The following PDYN variants were observed in gnomAD, a reference collection of about 807,000 sequenced individuals.
The protein encoded by PDYN is prodynorphin, also known as proenkephalin-B.
Under a neutral mutation model 11.4 loss-of-function variants are expected in PDYN, and 5 were observed. That is an observed-to-expected ratio of 0.44 (90% CI 0.23 to 0.92). The LOEUF is 0.92. Ranked by LOEUF, PDYN falls within the 40% of genes least tolerant of loss-of-function variation. PDYN has a pLI of 0.24. For missense variants in PDYN, 337 were observed against 317.3 expected (o/e 1.06, Z -0.47); for synonymous variants, 132 against 129.5 (o/e 1.02, Z -0.13).
At chr20:1,983,193 C>A in intron 2 of PDYN, 90 bp from the exon 3 acceptor site, 1 of 1,105,990 alleles carries the variant, frequency 9.0e-7, no homozygotes, top group Non-Finnish European at 1.3e-6. Flanking sequence ...CTAACTCCTG[C>A]CCACAGCACT....
At chr20:1,990,439 T>C (rs1371990906) in intron 2 of PDYN, among the ~76,000 whole-genome samples, 1 of 152,180 alleles carries the variant, frequency 6.6e-6, no homozygotes. Context: ...CCCCTGAACC[T>C]GGAAAAGCGG....
chr20:1,988,053 A>G (rs1451373679), intron 2 of PDYN, among the ~76,000 whole-genome samples: 1 of 152,140 alleles, frequency 6.6e-6, no homozygotes, highest in Non-Finnish European at 1.5e-5. Flanking sequence ...GTCTGGGCTG[A>G]ATGCCCTTCA....
At chr20:1,987,044 G>A (rs1316321083) in intron 2 of PDYN, among the ~76,000 whole-genome samples, 1 of 152,190 alleles carries the variant, frequency 6.6e-6, no homozygotes, top group Non-Finnish European at 1.5e-5. Flanking sequence ...TCCCTTATGG[G>A]CAGGTAGGGG....
chr20:1,988,016 C>T (rs918447492), intron 2 of PDYN, among the ~76,000 whole-genome samples: 4 of 152,156 alleles, frequency 2.6e-5, no homozygotes, highest in East Asian at 1.9e-4. Flanking sequence ...GACTCACTGC[C>T]GTGGACGGAG....
intron 2 of PDYN, among the ~76,000 whole-genome samples, chr20:1,990,085 A>C (rs2122389339): frequency 6.6e-6 from 1 of 152,324 alleles, no homozygotes; most frequent in South Asian, 2.1e-4. Context: ...AGAAGGGACA[A>C]GCTCTTTGCT....
At chr20:1,982,875 C>T in intron 3 of PDYN, 81 bp downstream of exon 3, 1 of 1,482,322 alleles carries the variant, frequency 6.7e-7, no homozygotes, top group Non-Finnish European at 9.4e-7. Context: ...CACAGCTGCC[C>T]AGGCCTGCAA....
At chr20:1,985,606 A>G (rs1385530462) in intron 2 of PDYN, among the ~76,000 whole-genome samples, 1 of 152,108 alleles carries the variant, frequency 6.6e-6, no homozygotes, top group Non-Finnish European at 1.5e-5. Flanking sequence ...AGACAAGAAA[A>G]CTGGTGCTCA....
rs1987565185 is a variant in PDYN at position 1,979,302 on chromosome 20, G to T, written c.*1021C>A. On this transcript the variant is annotated 3_prime_UTR_variant, in exon 4 of 4. Coordinates refer to ENST00000217305, the MANE Select transcript of PDYN (RefSeq NM_024411.5). ...ACCCAATGCCCAGTGCGTATGTTGG[G>T]CCAGATGGCTTGGACTCTTGGCAGC... The T allele has an allele frequency of 2.0e-5, 3 of 152,730 alleles. No homozygotes were observed. In the South Asian group the frequency reaches 6.2e-4, roughly 32 times the overall value. The allele number at this position is 152,730 out of a possible 1,614,324, so 9.5% of individuals were successfully genotyped here.
intron 2 of PDYN, among the ~76,000 whole-genome samples, chr20:1,991,117 A>G (rs1988425704): frequency 6.6e-6 from 1 of 152,184 alleles, no homozygotes; most frequent in Admixed American, 6.5e-5. Context: ...ATGCTGACAT[A>G]CCGTGTGAAT....
chr20:1,991,669 G>A (rs1381701438), intron 2 of PDYN, among the ~76,000 whole-genome samples: 4 of 152,222 alleles, frequency 2.6e-5, no homozygotes, highest in Non-Finnish European at 4.4e-5. Context: ...TACAGTGAGA[G>A]AAATCAGCTG....
At chr20:1,987,185 G>A (rs1988226147) in intron 2 of PDYN, among the ~76,000 whole-genome samples, 1 of 152,134 alleles carries the variant, frequency 6.6e-6, no homozygotes. Context: ...GGCTCTCATA[G>A]GCCAAGGGAG....
At chr20:1,990,986 G>A (rs955493369) in intron 2 of PDYN, among the ~76,000 whole-genome samples, 4 of 150,162 alleles carry the variant, frequency 2.7e-5, no homozygotes, top group Middle Eastern at 3.2e-3. Flanking sequence ...GATGGGGAGA[G>A]GACAAATGGG....
At chr20:1,988,421 G>A (rs1054608092) in intron 2 of PDYN, among the ~76,000 whole-genome samples, 2 of 152,206 alleles carry the variant, frequency 1.3e-5, no homozygotes, top group African/African-American at 4.8e-5. Context: ...GGCCCCAGGG[G>A]AAGCATTTCG....
At chr20:1,987,752 T>G (rs1011162845) in intron 2 of PDYN, among the ~76,000 whole-genome samples, 1 of 152,210 alleles carries the variant, frequency 6.6e-6, no homozygotes, top group Non-Finnish European at 1.5e-5. Flanking sequence ...TTACTGTGCC[T>G]CAGTTTTCTC....
rs1415164952 is a variant in PDYN, at chr20:1,980,422, GT to G, written c.665del (p.Asn222ThrfsTer16). 1 of 1,614,020 alleles carries G rather than the reference GT, an allele frequency of 6.2e-7. No individual in the cohort carries two copies. Among genetic ancestry groups the G allele is most frequent in the Non-Finnish European group, 8.5e-7 (1 of 1,180,038 alleles). ...GGAGAAAACCGCCATAGCGCTTCTG[GT>G]TGTCCCACTTGAGCTTGGGACGAAT... Reference protein sequence around the residue: ...RRIRPKLKWDNQKRYGGFLRR... With the variant: ...RRIRPKLKWDXQKRYGGFLRR... On this transcript the variant is annotated frameshift_variant, in exon 4 of 4. Coordinates refer to ENST00000217305, the MANE Select transcript of PDYN (RefSeq NM_024411.5). LOFTEE classifies it high-confidence loss of function.
Position 1,980,310 on chromosome 20 carries a change from T to C in PDYN, c.*13A>G, listed in dbSNP as rs200154137. The C allele has an allele frequency of 1.1e-4, 181 of 1,613,768 alleles. 1 individual carries two copies. Among genetic ancestry groups the C allele is most frequent in the Middle Eastern group, 8.3e-4 (5 of 6,060 alleles). On this transcript the variant is annotated 3_prime_UTR_variant, in exon 4 of 4. Coordinates refer to ENST00000217305, the MANE Select transcript of PDYN (RefSeq NM_024411.5). ...AGGGGTTTCTCCTGACTCTACTCCA[T>C]GAAAAGAGGTGCTTATGCATCAAAA...
At chr20:1,989,162 T>G (rs1988323464) in intron 2 of PDYN, among the ~76,000 whole-genome samples, 1 of 152,206 alleles carries the variant, frequency 6.6e-6, no homozygotes, top group African/African-American at 2.4e-5. Flanking sequence ...TCTTAAATAA[T>G]AAAACATTTT....
intron 2 of PDYN, among the ~76,000 whole-genome samples, chr20:1,985,783 G>A (rs1490935036): frequency 2.6e-5 from 4 of 152,174 alleles, no homozygotes; most frequent in Non-Finnish European, 5.9e-5. Context: ...TCTTCCCCTT[G>A]AGTCTGTCAG....
At chr20:1,981,063 A>G in intron 3 of PDYN, 105 bp from the exon 4 acceptor site, 1 of 1,263,120 alleles carries the variant, frequency 7.9e-7, no homozygotes, top group Non-Finnish European at 1.1e-6. Flanking sequence ...AATGAACGCC[A>G]CTGCTAAGCC....
Sources: allele counts gnomAD v4.1 joint callset (sites outside exome capture counted in the v4.1 genomes callset), GRCh38; gene constraint gnomAD v4.1.1; transcripts MANE v1.5; gene names NCBI Gene and HGNC (gene_info 2026-07-23, HGNC 2026-07-21).